MLXIP: variants seen among roughly 807,000 people sequenced by gnomAD.
MLXIP encodes MLX-interacting protein.
In MLXIP, 30 loss-of-function variants were observed where a neutral mutation model predicts 87.2. The observed-to-expected ratio is 0.34, with a 90% CI of 0.26 to 0.47. MLXIP has a LOEUF of 0.47. Among genes scored for constraint, MLXIP ranks in the 20% least tolerant of loss-of-function variants. The pLI is 1.00. For missense variants in MLXIP, 1,002 were observed against 1,240.1 expected, an observed-to-expected ratio of 0.81 and a Z score of 2.88; for synonymous variants, 530 against 514.0, an observed-to-expected ratio of 1.03 and a Z score of -0.42.
At chr12:122,128,002 G>A (rs763689848) in intron 3 of MLXIP, 34 bp downstream of exon 3, 8 of 1,575,244 alleles carry the variant, frequency 5.1e-6, no homozygotes, top group South Asian at 1.1e-5. Context: ...GCTGAGAGTG[G>A]AAACATACCA....
Position 122,129,217 on chromosome 12 carries a change from C to T in MLXIP, c.687C>T (p.Phe229=). 6.2e-7 allele frequency: 1 copy of T among 1,608,346 alleles called. No homozygotes were observed. Among genetic ancestry groups the T allele is most frequent in the Non-Finnish European group, 8.5e-7 (1 of 1,177,334 alleles). ...IREYHKWRTY[F]KKRLQQHKDE... Reference sequence around the variant, plus strand: ...AGTATCACAAGTGGAGAACCTACTTCAAGAAAAGGGTATCTGGCTGGAGTG... The same window carrying T: ...AGTATCACAAGTGGAGAACCTACTTTAAGAAAAGGGTATCTGGCTGGAGTG... Residue 229 remains phenylalanine, a synonymous_variant, in exon 4 of 17, where the codon TTC becomes TTT. Coordinates refer to ENST00000319080, the MANE Select transcript of MLXIP (RefSeq NM_014938.6).
chr12:122,138,107 G>A, intron 12 of MLXIP, 87 bp from the exon 13 acceptor site: 1 of 1,210,806 alleles, frequency 8.3e-7, no homozygotes, highest in Non-Finnish European at 1.2e-6. Flanking sequence ...TGGCCCTTGG[G>A]CACCCAGGAT....
intron 8 of MLXIP, chr12:122,132,637 T>C: frequency 2.1e-6 from 1 of 487,720 alleles, no homozygotes; most frequent in South Asian, 3.2e-5. Context: ...TATGTGCAGC[T>C]AGCTCTGCTC....
At chr12:122,079,287 C>G (rs990705244) in intron 1 of MLXIP, 21 bp downstream of exon 1, 2 of 1,544,070 alleles carry the variant, frequency 1.3e-6, no homozygotes, top group African/African-American at 2.7e-5. Flanking sequence ...CCGCGACCCC[C>G]TGAGGCCCCG....
At chr12:122,129,893 C>T (rs775483745) in intron 5 of MLXIP, 48 bp from the exon 6 acceptor site, 19 of 1,571,946 alleles carry the variant, frequency 1.2e-5, no homozygotes, top group Non-Finnish European at 1.6e-5. Context: ...ATTCTTCGTC[C>T]CACTGTTACT....
At chr12:122,138,705 T>C (rs1953140715) in intron 14 of MLXIP, 110 bp from the exon 15 acceptor site, 1 of 1,508,576 alleles carries the variant, frequency 6.6e-7, no homozygotes, top group South Asian at 1.3e-5. Context: ...AGACCTCTCT[T>C]CTCTGTGCCT....
At chr12:122,124,446 G>A (rs1174149743) in intron 1 of MLXIP, among the ~76,000 whole-genome samples, 3 of 103,124 alleles carry the variant, frequency 2.9e-5, no homozygotes, top group Non-Finnish European at 5.9e-5. Context: ...GCCGTCCCCC[G>A]CCCTCAGTCC....
At chr12:122,129,334 G>A (rs574634577) in intron 4 of MLXIP, 108 bp downstream of exon 4, 9 of 1,065,616 alleles carry the variant, frequency 8.4e-6, no homozygotes, top group African/African-American at 7.9e-5. Flanking sequence ...CCACCTGAAC[G>A]TGGAGCGTCA....
In MLXIP at chr12:122,105,944, G is replaced by C. The variant is rs193172879; in HGVS notation, c.414-21312G>C. Among the ~76,000 whole-genome samples, 315 of 152,288 alleles carry C rather than the reference G, an allele frequency of 2.1e-3. 1 individual carries two copies. Among genetic ancestry groups the C allele is most frequent in the African/African-American group, 7.2e-3 (301 of 41,550 alleles). On this transcript the variant is annotated intron_variant, in intron 1 of 16. Coordinates refer to ENST00000319080, the MANE Select transcript of MLXIP (RefSeq NM_014938.6). ...TTTTGGACTATAGGTTCAGACTATA[G>C]GTTCACACTTAAGTGTGAGATGTTG...
chr12:122,093,689 T>TC (rs1952289372), intron 1 of MLXIP, among the ~76,000 whole-genome samples: 1 of 129,274 alleles, frequency 7.7e-6, no homozygotes, highest in African/African-American at 3.0e-5. Flanking sequence ...GTGTGCGGTG[T>TC]TGGTGTGTGG....
chr12:122,079,015 G>A lies in MLXIP; in HGVS notation c.162G>A (p.Ala54=), dbSNP rs1192704176. ...CGGCCACCCCGGCCCGGGCCCACGC[G>A]AGCGCCGCGCCACCGCCGCCTCGGG... The part of the protein sequence containing the change: ...SGAATPARAH[A]SAAPPPPRAG... Residue 54 remains alanine (A), a synonymous_variant, in exon 1 of 17, where the codon GCG becomes GCA. Coordinates refer to ENST00000319080, the MANE Select transcript of MLXIP (RefSeq NM_014938.6). The A allele has an allele frequency of 2.3e-6, 3 of 1,284,402 alleles. No individual in the cohort carries two copies. The highest frequency in any genetic ancestry group is 2.6e-4 in the Middle Eastern group (1 of 3,846). 79.6% of individuals were successfully genotyped at this position (1,284,402 alleles called of 1,614,324 possible). A position where few individuals can be genotyped will look rare whatever the true frequency, so the allele number is the denominator to read the frequency against.
intron 2 of MLXIP, 62 bp downstream of exon 2, chr12:122,127,424 C>T: frequency 8.3e-7 from 1 of 1,207,602 alleles, no homozygotes; most frequent in Non-Finnish European, 1.2e-6. Flanking sequence ...GAGGCCTGGG[C>T]ACCCAGGGAC....
At chr12:122,097,855 C>CA (rs769252278) in intron 1 of MLXIP, among the ~76,000 whole-genome samples, 52 of 152,120 alleles carry the variant, frequency 3.4e-4, no homozygotes, top group Middle Eastern at 3.4e-3. Context: ...TTCCCCCTCC[C>CA]CACAAGAAAC....
At position 122,078,797 on chromosome 12, in the gene MLXIP, C is replaced by G; in HGVS notation, c.-57C>G. The G allele has an allele frequency of 3.2e-5, 33 of 1,029,900 alleles. No individual in the cohort carries two copies. Among genetic ancestry groups the G allele is most frequent in the Middle Eastern group, 4.7e-4 (1 of 2,138 alleles). The allele number at this position is 1,029,900 out of a possible 1,614,324, so 63.8% of individuals were successfully genotyped here. On this transcript the variant is annotated 5_prime_UTR_variant, in exon 1 of 17. Coordinates refer to ENST00000319080, the MANE Select transcript of MLXIP (RefSeq NM_014938.6). Reference sequence around the variant, plus strand: ...GGGCCGGGCCGGCGCCCCTCTGCCTCGCGCGCTTGTCGCGTTGCCCCGGGC... The same window carrying G: ...GGGCCGGGCCGGCGCCCCTCTGCCTGGCGCGCTTGTCGCGTTGCCCCGGGC...
chr12:122,100,680 C>G (rs1952423083), intron 1 of MLXIP, among the ~76,000 whole-genome samples: 1 of 152,190 alleles, frequency 6.6e-6, no homozygotes, highest in South Asian at 2.1e-4. Context: ...GTGAGTTTCC[C>G]TTTTTGTCTG....
intron 4 of MLXIP, 149 bp downstream of exon 4, chr12:122,129,375 C>A: frequency 1.1e-6 from 1 of 910,074 alleles, no homozygotes; most frequent in Non-Finnish European, 1.7e-6. Context: ...GCGTGCCAGA[C>A]TAGCCTGGGC....
At chr12:122,127,509 C>T (rs1952899956) in intron 2 of MLXIP, 147 bp downstream of exon 2, 1 of 637,334 alleles carries the variant, frequency 1.6e-6, no homozygotes, top group Non-Finnish European at 2.7e-6. Context: ...AGCCATCAGG[C>T]CCAGCAGAGG....
At chr12:122,116,987 A>G (rs1335515108) in intron 1 of MLXIP, among the ~76,000 whole-genome samples, 1 of 152,224 alleles carries the variant, frequency 6.6e-6, no homozygotes, top group African/African-American at 2.4e-5. Context: ...AGGCAGGCAC[A>G]TCTTGCCTGG....
At chr12:122,121,252 C>T (rs1401187092) in intron 1 of MLXIP, among the ~76,000 whole-genome samples, 2 of 150,542 alleles carry the variant, frequency 1.3e-5, no homozygotes, top group Non-Finnish European at 3.0e-5. Context: ...TCATGATCTG[C>T]CTGCCTCGGC....
Sources: allele counts gnomAD v4.1 joint callset (sites outside exome capture counted in the v4.1 genomes callset), GRCh38; gene constraint gnomAD v4.1.1; transcripts MANE v1.5; gene names NCBI Gene and HGNC (gene_info 2026-07-23, HGNC 2026-07-21).